FKBP9: variants seen among roughly 807,000 people sequenced by gnomAD.
FKBP9 encodes peptidyl-prolyl cis-trans isomerase FKBP9.
In FKBP9, 27 loss-of-function variants were observed where a neutral mutation model predicts 55.6. The ratio of observed to expected loss-of-function variants is 0.49; its 90% CI spans 0.36 to 0.67. FKBP9 has a LOEUF of 0.67. Among genes scored for constraint, FKBP9 ranks in the 30% least tolerant of loss-of-function variants. The pLI is 0.00. For missense variants in FKBP9, 539 were observed against 742.8 expected, an observed-to-expected ratio of 0.73 and a Z score of 3.19; for synonymous variants, 267 against 296.5, an observed-to-expected ratio of 0.90 and a Z score of 1.02.
At chr7:32,992,292 AC>A (rs1328235134) in intron 6 of FKBP9, among the ~76,000 whole-genome samples, 2 of 21,300 alleles carry the variant, frequency 9.4e-5, no homozygotes, top group Admixed American at 6.4e-4. Flanking sequence ...GAGGAAACCC[AC>A]CCCCCTCAGA....
At chr7:32,969,019 C>T (rs1207698182) in intron 1 of FKBP9, among the ~76,000 whole-genome samples, 3 of 152,106 alleles carry the variant, frequency 2.0e-5, no homozygotes, top group African/African-American at 4.8e-5. Flanking sequence ...TCTTTTCATT[C>T]GCTTGTTGGC....
chr7:32,979,785 T>C (rs985430471), intron 4 of FKBP9, among the ~76,000 whole-genome samples: 5 of 152,174 alleles, frequency 3.3e-5, no homozygotes, highest in African/African-American at 1.2e-4. Context: ...AGAAGTGAGA[T>C]AGAAGTGATT....
At chr7:32,987,515 A>C (rs1330826790) in intron 5 of FKBP9, among the ~76,000 whole-genome samples, 1 of 151,858 alleles carries the variant, frequency 6.6e-6, no homozygotes, top group Non-Finnish European at 1.5e-5. Flanking sequence ...AAAAATTAAA[A>C]AGTAATTAGA....
intron 1 of FKBP9, 58 bp downstream of exon 1, chr7:32,957,852 C>T (rs933163882): frequency 1.6e-6 from 2 of 1,281,906 alleles, no homozygotes; most frequent in Non-Finnish European, 2.0e-6. Context: ...TCTCTCCGGA[C>T]AGGCCTTTCC....
intron 1 of FKBP9, among the ~76,000 whole-genome samples, chr7:32,967,409 C>T (rs890064500): frequency 6.6e-6 from 1 of 152,184 alleles, no homozygotes; most frequent in African/African-American, 2.4e-5. Flanking sequence ...CCGCTGATAA[C>T]AACATTCCAC....
chr7:33,003,874 C>T (rs553019922), intron 9 of FKBP9, among the ~76,000 whole-genome samples: 18 of 152,210 alleles, frequency 1.2e-4, no homozygotes, highest in East Asian at 7.7e-4. Flanking sequence ...ATCCTGATGG[C>T]GTCTGGATTT....
chr7:32,957,727 C>G lies in FKBP9; in HGVS notation c.154C>G (p.Arg52Gly). The G allele has an allele frequency of 6.6e-7, 1 of 1,524,166 alleles. No homozygotes were observed. The highest frequency in any genetic ancestry group is 1.2e-5 in the South Asian group (1 of 82,528). 94.4% of individuals were successfully genotyped at this position (1,524,166 alleles called of 1,614,324 possible). A position where few individuals can be genotyped will look rare whatever the true frequency, so the allele number is the denominator to read the frequency against. The change falls in exon 1 of 10, where the codon CGC becomes GGC. Residue 52 changes from arginine to glycine, a missense_variant. Physicochemically the swap from Arg to Gly is moderately radical, Grantham distance 125 (BLOSUM62 -2). Transcript: ENST00000242209. ...FVPDECPRTVRSGDFVRYHYV... is the reference protein window; with the variant it reads ...FVPDECPRTVGSGDFVRYHYV... Reference sequence around the variant, plus strand: ...GCCCGACGAGTGCCCGCGCACCGTGCGCAGCGGCGACTTCGTGCGCTACCA... The same window carrying G: ...GCCCGACGAGTGCCCGCGCACCGTGGGCAGCGGCGACTTCGTGCGCTACCA...
At chr7:32,988,215 T>C (rs1336597016) in intron 5 of FKBP9, among the ~76,000 whole-genome samples, 1 of 152,182 alleles carries the variant, frequency 6.6e-6, no homozygotes. Flanking sequence ...CAATTTACAT[T>C]AGCTCCATTT....
intron 1 of FKBP9, among the ~76,000 whole-genome samples, chr7:32,959,527 G>A (rs762764643): frequency 3.9e-5 from 6 of 152,172 alleles, no homozygotes; most frequent in Non-Finnish European, 8.8e-5. Flanking sequence ...TCACAGAGTA[G>A]TGCAAACATC....
At chr7:32,987,128 GC>G (rs1488151040) in intron 5 of FKBP9, among the ~76,000 whole-genome samples, 4 of 152,068 alleles carry the variant, frequency 2.6e-5, no homozygotes, top group Non-Finnish European at 5.9e-5. Context: ...GATAGTGGGG[GC>G]CTTTTGTCGG....
intron 1 of FKBP9, among the ~76,000 whole-genome samples, chr7:32,972,777 C>T (rs1784278424): frequency 6.6e-6 from 1 of 152,120 alleles, no homozygotes; most frequent in Admixed American, 6.5e-5. Context: ...GATGACAGTG[C>T]AGTGGCACCA....
At chr7:32,966,886 G>T (rs1467885323) in intron 1 of FKBP9, among the ~76,000 whole-genome samples, 2 of 152,132 alleles carry the variant, frequency 1.3e-5, no homozygotes, top group Non-Finnish European at 2.9e-5. Context: ...AGGGGATGGC[G>T]CTAAGCCCTC....
At chr7:32,962,030 C>G in intron 1 of FKBP9, among the ~76,000 whole-genome samples, 1 of 152,056 alleles carries the variant, frequency 6.6e-6, no homozygotes, top group Non-Finnish European at 1.5e-5. Flanking sequence ...CCACCCCGGT[C>G]ATGGAAAAAG....
chr7:33,002,601 G>A, intron 8 of FKBP9, 75 bp from the exon 9 acceptor site: 2 of 1,575,130 alleles, frequency 1.3e-6, no homozygotes, highest in Admixed American at 1.8e-5. Flanking sequence ...GCTGGAGGTT[G>A]GGGTGGGTGC....
intron 7 of FKBP9, among the ~76,000 whole-genome samples, chr7:32,997,216 C>T (rs921020000): frequency 2.6e-5 from 4 of 152,098 alleles, no homozygotes; most frequent in African/African-American, 7.2e-5. Context: ...ATTGCAGGCA[C>T]GCACCACTAT....
At chr7:33,004,215 T>C (rs1200060334) in intron 9 of FKBP9, among the ~76,000 whole-genome samples, 1 of 152,024 alleles carries the variant, frequency 6.6e-6, no homozygotes, top group East Asian at 1.9e-4. Context: ...GTCATCTCTT[T>C]CCCGGGTCAC....
At chr7:32,992,072 T>C (rs1784694900) in intron 6 of FKBP9, among the ~76,000 whole-genome samples, 1 of 152,130 alleles carries the variant, frequency 6.6e-6, no homozygotes, top group Non-Finnish European at 1.5e-5. Flanking sequence ...CAGGGCTCTC[T>C]GACCCATATG....
intron 8 of FKBP9, among the ~76,000 whole-genome samples, chr7:33,000,940 C>A (rs1482832873): frequency 6.6e-6 from 1 of 152,108 alleles, no homozygotes; most frequent in Non-Finnish European, 1.5e-5. Flanking sequence ...ACCACCTCGC[C>A]TGGCTAATTT....
chr7:32,988,478 A>C, intron 5 of FKBP9, 29 bp from the exon 6 acceptor site: 1 of 1,611,634 alleles, frequency 6.2e-7, no homozygotes, highest in East Asian at 2.2e-5. Context: ...CTCATGAATG[A>C]CCTCTTTCTT....
Sources: gnomAD v4.1 joint callset for allele counts (sites outside exome capture counted in the v4.1 genomes callset) on GRCh38, gnomAD v4.1.1 for gene constraint, MANE v1.5 for transcripts, NCBI Gene and HGNC (gene_info 2026-07-23, HGNC 2026-07-21) for gene names.